CHRM2: variants seen among roughly 807,000 people sequenced by gnomAD.
CHRM2 encodes the protein cholinergic receptor muscarinic 2, also known as muscarinic acetylcholine receptor M2.
In CHRM2, 8 loss-of-function variants were observed where a neutral mutation model predicts 25.0. The ratio of observed to expected loss-of-function variants is 0.32; its 90% confidence interval spans 0.19 to 0.58. CHRM2 has a LOEUF of 0.58. Ranked by LOEUF, CHRM2 falls within the 20% of genes least tolerant of loss-of-function variation. The pLI is 0.88. For missense variants in CHRM2, 440 were observed against 567.1 expected (o/e 0.78, Z 2.28); for synonymous variants, 202 against 205.7 (o/e 0.98, Z 0.15).
chr7:136,979,902 T>G (rs1802367529), intron 2 of CHRM2, among the ~76,000 whole-genome samples: 1 of 152,152 alleles, frequency 6.6e-6, no homozygotes, highest in Non-Finnish European at 1.5e-5. Flanking sequence ...TAGTTCTTTC[T>G]GTTTAGGATT....
rs569102662 is a variant in CHRM2, at chr7:136,909,008, T to C, written c.-125+39590T>C. On this transcript the variant is annotated intron_variant, in intron 2 of 3. Coordinates refer to ENST00000680005, the MANE Select transcript of CHRM2 (RefSeq NM_001006630.2). ...TTGAATTATGAGTTTTTTGTTTTGT[T>C]TTCTCAATGAGTTGACGAGTCTTTG... Among the ~76,000 whole-genome samples, 32 of 152,014 alleles carry C rather than the reference T, an allele frequency of 2.1e-4. No homozygotes were observed. The South Asian group carries it at 6.2e-3, about 30-fold the overall frequency.
chr7:137,015,332 C>T lies in CHRM2; in HGVS notation c.467C>T (p.Ala156Val). The change falls in exon 4 of 4, where the codon GCT (alanine) becomes GTT (valine). Residue 156 changes from alanine (A) to valine (V), a missense_variant. Around this residue, in one of 5 missense-constraint regions of CHRM2, gnomAD observed 27 missense variants for 55.5 expected, o/e 0.49. Transcript: ENST00000680005. This position sits in a 1 kb window ranked among gnomAD's most constrained non-coding sequence, Gnocchi z 5.1. ...TGGGTCCTCTCTTTCATCCTCTGGGCTCCAGCCATTCTCTTCTGGCAGTTC... is the reference window on the plus strand; with the variant it reads ...TGGGTCCTCTCTTTCATCCTCTGGGTTCCAGCCATTCTCTTCTGGCAGTTC... The part of the protein sequence containing the change: ...AAWVLSFILW[A>V]PAILFWQFIV... 1 of 1,613,428 alleles carries T rather than the reference C, an allele frequency of 6.2e-7. No individual in the cohort carries two copies. Among genetic ancestry groups the T allele is most frequent in the South Asian group, 1.1e-5 (1 of 91,078 alleles).
chr7:136,894,807 C>G (rs1796828848), intron 2 of CHRM2, among the ~76,000 whole-genome samples: 3 of 152,138 alleles, frequency 2.0e-5, no homozygotes, highest in Admixed American at 1.3e-4. Context: ...CTATGGCCAT[C>G]CATCCATCCC....
chr7:136,875,635 T>C (rs1796023858), intron 2 of CHRM2, among the ~76,000 whole-genome samples: 1 of 152,166 alleles, frequency 6.6e-6, no homozygotes, highest in Non-Finnish European at 1.5e-5. Context: ...CTTTCTAAAA[T>C]GCAAATCTGA....
At chr7:136,888,176 T>C (rs1563046306) in intron 2 of CHRM2, among the ~76,000 whole-genome samples, 1 of 152,124 alleles carries the variant, frequency 6.6e-6, no homozygotes, top group Non-Finnish European at 1.5e-5. Flanking sequence ...GCAGGAGAAT[T>C]TTACCTGGGA....
chr7:136,908,457 C>T lies in CHRM2; in HGVS notation c.-125+39039C>T, dbSNP rs372834341. The stretch of plus-strand genomic sequence containing the variant: ...ATAGTTAGATTACATTATTGCAATA[C>T]CTCTCTGTTAATTGGATTTTTAAAT... On this transcript the variant is annotated intron_variant, in intron 2 of 3. Coordinates refer to ENST00000680005, the MANE Select transcript of CHRM2 (RefSeq NM_001006630.2). Among the ~76,000 whole-genome samples, 65 of 151,922 alleles carry T rather than the reference C, an allele frequency of 4.3e-4. No individual in the cohort carries two copies. The South Asian group carries it at 0.013, about 30-fold the overall frequency.
chr7:136,922,388 G>A (rs565471147), intron 2 of CHRM2, among the ~76,000 whole-genome samples: 1 of 152,122 alleles, frequency 6.6e-6, no homozygotes. Context: ...CTCTACATAA[G>A]TAACTAGTGT....
chr7:136,887,834 TTGTGATCAAA>T (rs761293229), intron 2 of CHRM2, among the ~76,000 whole-genome samples: 7 of 152,212 alleles, frequency 4.6e-5, no homozygotes, highest in Non-Finnish European at 7.3e-5. Context: ...TGAAAATGTC[TTGTGATCAAA>T]TGTGTCCCCA....
At chr7:136,944,919 T>A (rs1214725132) in intron 2 of CHRM2, among the ~76,000 whole-genome samples, 1 of 152,126 alleles carries the variant, frequency 6.6e-6, no homozygotes, top group Non-Finnish European at 1.5e-5. Context: ...ATCTTTTTTT[T>A]ACCTTTTTTG....
chr7:136,968,930 A>G (rs1047893987), intron 2 of CHRM2, among the ~76,000 whole-genome samples: 1 of 151,984 alleles, frequency 6.6e-6, no homozygotes, highest in East Asian at 1.9e-4. Flanking sequence ...ATGTGATCAT[A>G]TGAGCATTAA....
At chr7:136,991,140 T>C (rs1338755578) in intron 2 of CHRM2, among the ~76,000 whole-genome samples, 2 of 152,142 alleles carry the variant, frequency 1.3e-5, no homozygotes, top group East Asian at 1.9e-4. Context: ...ATTAATGAAG[T>C]TCAGTTTATC....
chr7:136,921,353 T>A (rs1421995483), intron 2 of CHRM2, among the ~76,000 whole-genome samples: 1 of 152,106 alleles, frequency 6.6e-6, no homozygotes, highest in African/African-American at 2.4e-5. Context: ...CTGCCTTTAC[T>A]CCATTTCAAT....
intron 2 of CHRM2, among the ~76,000 whole-genome samples, chr7:136,971,814 CAAATTT>C (rs55738116): frequency 0.58 from 87,645 of 151,322 alleles, 26,699 homozygotes; most frequent in Non-Finnish European, 0.67. Flanking sequence ...AACTAAAAGA[CAAATTT>C]AAAAGCATCT....
chr7:136,886,534 A>G (rs1288048411), intron 2 of CHRM2, among the ~76,000 whole-genome samples: 3 of 152,212 alleles, frequency 2.0e-5, no homozygotes, highest in Admixed American at 6.5e-5. Context: ...ATCATCTGGT[A>G]TGGATTTAGG....
At chr7:136,882,263 C>CGTTATA (rs1796295000) in intron 2 of CHRM2, among the ~76,000 whole-genome samples, 1 of 151,992 alleles carries the variant, frequency 6.6e-6, no homozygotes, top group South Asian at 2.1e-4. Flanking sequence ...TACACTCATA[C>CGTTATA]GTTATATTCA....
intron 2 of CHRM2, among the ~76,000 whole-genome samples, chr7:136,922,822 C>G (rs1798523788): frequency 6.6e-6 from 1 of 152,042 alleles, no homozygotes; most frequent in African/African-American, 2.4e-5. Flanking sequence ...TTTCTTCTTT[C>G]TTTGCATTTT....
rs917515111 is a variant in CHRM2, at chr7:136,978,519, G to A, written c.-124-13668G>A. Among the ~76,000 whole-genome samples the A allele has an allele frequency of 1.6e-4, 24 of 152,120 alleles. 1 individual carries two copies. Among genetic ancestry groups the A allele is most frequent in the African/African-American group, 5.6e-4 (23 of 41,406 alleles). ...CAGAACGTGCAGGTTTGTTACATAGGTATACATGTGCCATGGTGGTTTGCT... is the reference window on the plus strand; with the variant it reads ...CAGAACGTGCAGGTTTGTTACATAGATATACATGTGCCATGGTGGTTTGCT... On this transcript the variant is annotated intron_variant, in intron 2 of 3. Transcript: ENST00000680005.
At position 136,997,015 on chromosome 7, in the gene CHRM2, C is replaced by T. The variant is rs555302652; in HGVS notation, c.-47+4751C>T. Among the ~76,000 whole-genome samples the T allele has an allele frequency of 1.2e-4, 18 of 152,276 alleles. No homozygotes were observed. In the South Asian group the frequency reaches 3.7e-3, roughly 32 times the overall value. On this transcript the variant is annotated intron_variant, in intron 3 of 3. Coordinates refer to ENST00000680005, the MANE Select transcript of CHRM2 (RefSeq NM_001006630.2). The stretch of plus-strand genomic sequence containing the variant: ...TGTCCACATTCTCACCCAGCTGTAT[C>T]TCAACAGTGGAGTAGTTGACAGCTT...
intron 2 of CHRM2, among the ~76,000 whole-genome samples, chr7:136,911,829 TA>T (rs1205022464): frequency 6.6e-6 from 1 of 151,972 alleles, no homozygotes; most frequent in Non-Finnish European, 1.5e-5. Context: ...CGACAAGGCT[TA>T]AGGCAGCTTA....
Sources: allele counts gnomAD v4.1 joint callset (sites outside exome capture counted in the v4.1 genomes callset), GRCh38; gene constraint gnomAD v4.1.1; regional missense constraint gnomAD v4.1.1; non-coding constraint Gnocchi (gnomAD v3.1); transcripts MANE v1.5; gene names NCBI Gene and HGNC (gene_info 2026-07-23, HGNC 2026-07-21).